Variants in MYBL2 observed in about 807,000 individuals in gnomAD.
MYBL2 encodes the protein myb-related protein B.
In MYBL2, 28 loss-of-function variants were observed where a neutral mutation model predicts 79.9. The observed-to-expected ratio is 0.35, with a 90% CI of 0.26 to 0.48. The LOEUF (loss-of-function observed/expected upper bound fraction) is 0.48, where lower values mean the gene tolerates loss of function less well. Ranked by LOEUF, MYBL2 falls within the 20% of genes least tolerant of loss-of-function variation. The probability of loss-of-function intolerance (pLI) is 0.99; values close to 1 mark genes in which losing one functional copy is unlikely to be tolerated. For missense variants in MYBL2, 735 were observed against 893.9 expected (o/e 0.82, Z 2.27); for synonymous variants, 378 against 361.2 (o/e 1.05, Z -0.53).
intron 3 of MYBL2, among the ~76,000 whole-genome samples, chr20:43,682,552 C>G (rs997042302): frequency 6.6e-6 from 1 of 152,206 alleles, no homozygotes. Context: ...CCCTTGTGTT[C>G]GGTTGGTAGG....
chr20:43,705,131 C>A, intron 8 of MYBL2, 88 bp from the exon 9 acceptor site: 1 of 1,520,850 alleles, frequency 6.6e-7, no homozygotes, highest in Non-Finnish European at 8.9e-7. Context: ...GGGAGAGGCT[C>A]AAGGATCTCT....
intron 6 of MYBL2, among the ~76,000 whole-genome samples, chr20:43,695,196 C>T (rs1250128888): frequency 6.6e-6 from 1 of 152,018 alleles, no homozygotes; most frequent in African/African-American, 2.4e-5. Flanking sequence ...CATTCGCCAC[C>T]ATCCTGGCAA....
chr20:43,692,800 A>T (rs889648276), intron 6 of MYBL2, among the ~76,000 whole-genome samples: 2 of 152,148 alleles, frequency 1.3e-5, no homozygotes, highest in Non-Finnish European at 2.9e-5. Context: ...TAAAAAATGT[A>T]TTGAGTTGTA....
chr20:43,711,698 G>A, intron 11 of MYBL2, 97 bp downstream of exon 11: 1 of 1,032,032 alleles, frequency 9.7e-7, no homozygotes, highest in East Asian at 2.6e-5. Context: ...TGAGGCGCTG[G>A]GGAGAATGGG....
At chr20:43,715,308 G>A (rs1444538829) in intron 13 of MYBL2, 25 bp downstream of exon 13, 1 of 1,613,534 alleles carries the variant, frequency 6.2e-7, no homozygotes, top group African/African-American at 1.3e-5. Context: ...CATCTCTGGG[G>A]GTCCTGCAGT....
At position 43,686,999 on chromosome 20, in the gene MYBL2, G is replaced by T; in HGVS notation, c.427G>T (p.Asp143Tyr). Reference protein sequence around the residue: ...VKKSCWTEEEDRIICEAHKVL... With the variant: ...VKKSCWTEEEYRIICEAHKVL... ...GAAGTCTTGCTGGACCGAGGAGGAGGACCGCATCATCTGCGAGGCCCACAA... is the reference window on the plus strand; with the variant it reads ...GAAGTCTTGCTGGACCGAGGAGGAGTACCGCATCATCTGCGAGGCCCACAA... Residue 143 changes from aspartate to tyrosine, a missense_variant, in exon 5 of 14, where the codon GAC becomes TAC. This residue lies in a region of MYBL2 where 65 missense variants were observed against 145.2 expected (regional missense o/e 0.45). Transcript: ENST00000217026. 1 of 1,614,076 alleles carries T rather than the reference G, an allele frequency of 6.2e-7. No homozygotes were observed. Among genetic ancestry groups the T allele is most frequent in the South Asian group, 1.1e-5 (1 of 91,060 alleles).
rs183198002 is a variant in MYBL2 at position 43,668,324 on chromosome 20, C to G, written c.20+1021C>G. ...CAAGCGATTCTCCTGCCTCAGCTTC[C>G]CGAGTAGCTGGGACTTCAGGCACGT... On this transcript the variant is annotated intron_variant, in intron 1 of 13. Transcript: ENST00000217026. Among the ~76,000 whole-genome samples the G allele has an allele frequency of 8.4e-3, 1,278 of 151,606 alleles. 10 individuals carry two copies. Among genetic ancestry groups the G allele is most frequent in the African/African-American group, 0.029 (1,211 of 41,338 alleles).
At chr20:43,678,106 A>G (rs1987056403) in intron 2 of MYBL2, among the ~76,000 whole-genome samples, 1 of 152,168 alleles carries the variant, frequency 6.6e-6, no homozygotes, top group Non-Finnish European at 1.5e-5. Context: ...TGAAGGCAGC[A>G]TGCTCGTTAA....
At chr20:43,681,026 TG>T (rs1402669483) in intron 2 of MYBL2, among the ~76,000 whole-genome samples, 1 of 152,216 alleles carries the variant, frequency 6.6e-6, no homozygotes, top group African/African-American at 2.4e-5. Context: ...GAACTTCATG[TG>T]CATGGAATCA....
At chr20:43,712,286 G>A (rs1418135145) in intron 11 of MYBL2, among the ~76,000 whole-genome samples, 1 of 152,220 alleles carries the variant, frequency 6.6e-6, no homozygotes, top group East Asian at 1.9e-4. Flanking sequence ...GGAGAGCTGG[G>A]AACGGTGGGA....
At chr20:43,681,572 C>T (rs536654037) in intron 2 of MYBL2, among the ~76,000 whole-genome samples, 2 of 152,346 alleles carry the variant, frequency 1.3e-5, no homozygotes, top group South Asian at 2.1e-4. Context: ...TTCCTGTGAG[C>T]CTTCCATTGG....
chr20:43,713,143 A>G, intron 12 of MYBL2, 37 bp downstream of exon 12: 1 of 1,525,454 alleles, frequency 6.6e-7, no homozygotes, highest in South Asian at 1.1e-5. Context: ...TGAGTTTTGG[A>G]GAGGACCCTC....
intron 6 of MYBL2, among the ~76,000 whole-genome samples, chr20:43,694,394 A>G (rs3092442): frequency 6.6e-6 from 1 of 151,786 alleles, no homozygotes; most frequent in Non-Finnish European, 1.5e-5. Context: ...CATGACAAAA[A>G]ATAGATTTGA....
rs762645852 is a variant in MYBL2 at position 43,678,857 on chromosome 20, CA to C, written c.115-2910del. Among the ~76,000 whole-genome samples the C allele has an allele frequency of 9.3e-3, 178 of 19,222 alleles. 1 individual carries two copies. The highest frequency in any genetic ancestry group is 0.047 in the African/African-American group (154 of 3,306). 12.6% of individuals were successfully genotyped at this position (19,222 alleles called of 152,430 possible). A position where few individuals can be genotyped will look rare whatever the true frequency, so the allele number is the denominator to read the frequency against. On this transcript the variant is annotated intron_variant, in intron 2 of 13. Transcript: ENST00000217026. ...GGACAACAAGAGCAAAACTCCGTCT[CA>C]AAAAAAAAAAAAAAAAGAAAAAAAC...
chr20:43,696,988 G>T (rs1212665297), intron 6 of MYBL2, among the ~76,000 whole-genome samples: 1 of 152,290 alleles, frequency 6.6e-6, no homozygotes, highest in Non-Finnish European at 1.5e-5. Flanking sequence ...GTCTCCCAAA[G>T]TGCTGGGATT....
At chr20:43,697,384 C>T (rs1477042054) in intron 6 of MYBL2, among the ~76,000 whole-genome samples, 2 of 151,886 alleles carry the variant, frequency 1.3e-5, no homozygotes, top group South Asian at 2.1e-4. Flanking sequence ...CTGAAGTGGG[C>T]GGATCACTTG....
At chr20:43,687,603 T>C (rs1987308636) in intron 5 of MYBL2, among the ~76,000 whole-genome samples, 1 of 152,184 alleles carries the variant, frequency 6.6e-6, no homozygotes, top group Non-Finnish European at 1.5e-5. Flanking sequence ...GTTCTTTATC[T>C]CTTTAAGTGA....
chr20:43,702,530 C>A lies in MYBL2; in HGVS notation c.992C>A (p.Pro331His), dbSNP rs1403049034. 1 of 1,611,504 alleles carries A rather than the reference C, an allele frequency of 6.2e-7. No individual in the cohort carries two copies. The highest frequency in any genetic ancestry group is 8.5e-7 in the Non-Finnish European group (1 of 1,177,824). Residue 331 changes from proline to histidine, a missense_variant, in exon 8 of 14, where the codon CCT becomes CAT. Coordinates refer to ENST00000217026, the MANE Select transcript of MYBL2 (RefSeq NM_002466.4). ...AWCDLSKFDLPEEPSAEDSIN... is the reference protein window; with the variant it reads ...AWCDLSKFDLHEEPSAEDSIN... ...TGTGACCTGAGTAAATTTGACCTCC[C>A]TGAGGAACCATCTGCAGAGGACAGT...
intron 4 of MYBL2, 115 bp from the exon 5 acceptor site, chr20:43,686,737 G>A: frequency 1.0e-6 from 1 of 991,376 alleles, no homozygotes; most frequent in Admixed American, 2.2e-5. Context: ...TGCCTGAGGG[G>A]ATGTGGTAGG....
Sources: allele counts gnomAD v4.1 joint callset (sites outside exome capture counted in the v4.1 genomes callset), GRCh38; gene constraint gnomAD v4.1.1; regional missense constraint gnomAD v4.1.1; transcripts MANE v1.5; gene names NCBI Gene and HGNC (gene_info 2026-07-23, HGNC 2026-07-21).